TRIM33: variants seen among roughly 807,000 people sequenced by gnomAD.
TRIM33 encodes E3 ubiquitin-protein ligase TRIM33.
A neutral mutation model predicts 125.4 loss-of-function variants in TRIM33; 20 were observed. That is an observed-to-expected ratio of 0.16 (90% CI 0.11 to 0.23). The LOEUF is 0.23. TRIM33 is among the 10% of genes least tolerant of loss of function. The pLI, the probability that TRIM33 is intolerant of heterozygous loss-of-function variation, is 1.00. For synonymous variants in TRIM33, 564 were observed against 513.9 expected (o/e 1.10, Z -1.32); for missense variants, 920 against 1,411.4 (o/e 0.65, Z 5.58).
intron 4 of TRIM33, among the ~76,000 whole-genome samples, chr1:114,438,220 T>A (rs1648427076): frequency 6.6e-6 from 1 of 152,230 alleles, no homozygotes; most frequent in Non-Finnish European, 1.5e-5. Context: ...CTGTATATAT[T>A]AAGTTTTGAT....
chr1:114,460,561 A>AC (rs956162803), intron 4 of TRIM33, among the ~76,000 whole-genome samples: 9 of 91,844 alleles, frequency 9.8e-5, no homozygotes, highest in African/African-American at 3.0e-4. Flanking sequence ...TGTGTTTAAC[A>AC]CCCCCCGCCA....
intron 1 of TRIM33, among the ~76,000 whole-genome samples, chr1:114,496,954 T>C (rs1192337665): frequency 2.0e-5 from 3 of 152,224 alleles, no homozygotes; most frequent in Admixed American, 2.0e-4. Context: ...ACAGCTATAG[T>C]GTAAGTACAT....
intron 11 of TRIM33, among the ~76,000 whole-genome samples, chr1:114,416,622 T>C (rs772234335): frequency 1.3e-5 from 2 of 152,196 alleles, no homozygotes; most frequent in Non-Finnish European, 2.9e-5. Flanking sequence ...ATCTACACAC[T>C]AAAGTATAAT....
chr1:114,411,219 T>C (rs1409406700), intron 11 of TRIM33, among the ~76,000 whole-genome samples: 2 of 151,994 alleles, frequency 1.3e-5, no homozygotes, highest in East Asian at 1.9e-4. Flanking sequence ...TTTTGTGTTT[T>C]TTTTTTATAG....
At chr1:114,469,918 C>T (rs1650535865) in intron 1 of TRIM33, among the ~76,000 whole-genome samples, 1 of 152,114 alleles carries the variant, frequency 6.6e-6, no homozygotes, top group Non-Finnish European at 1.5e-5. Context: ...ATAAAAATGG[C>T]TTAAATCCTA....
chr1:114,428,726 A>T (rs1414832132), intron 6 of TRIM33, among the ~76,000 whole-genome samples: 1 of 152,238 alleles, frequency 6.6e-6, no homozygotes, highest in Non-Finnish European at 1.5e-5. Context: ...TCTTTTATAA[A>T]GCTTAGAAAA....
intron 1 of TRIM33, among the ~76,000 whole-genome samples, chr1:114,479,142 G>A (rs923303421): frequency 6.6e-6 from 1 of 152,172 alleles, no homozygotes; most frequent in African/African-American, 2.4e-5. Flanking sequence ...AAAAAAGACT[G>A]ACGAGAAAAG....
At chr1:114,510,501 G>T in intron 1 of TRIM33, 50 bp downstream of exon 1, 1 of 1,435,538 alleles carries the variant, frequency 7.0e-7, no homozygotes, top group Middle Eastern at 1.9e-4. Context: ...CTCCTCTAGG[G>T]TTGCGCAAAT....
chr1:114,401,873 A>G (rs778860674), intron 16 of TRIM33, among the ~76,000 whole-genome samples: 43 of 152,230 alleles, frequency 2.8e-4, no homozygotes, highest in Non-Finnish European at 5.6e-4. Context: ...GATTCCAGTC[A>G]GGTTCAAAAT....
intron 4 of TRIM33, among the ~76,000 whole-genome samples, chr1:114,445,928 G>A (rs1572063649): frequency 6.6e-6 from 1 of 152,264 alleles, no homozygotes; most frequent in Non-Finnish European, 1.5e-5. Flanking sequence ...GGTGATCTCA[G>A]CTCACTGCAA....
At chr1:114,476,220 G>GAA (rs58538418) in intron 1 of TRIM33, among the ~76,000 whole-genome samples, 1 of 138,236 alleles carries the variant, frequency 7.2e-6, no homozygotes, top group East Asian at 2.1e-4. Context: ...AAACAAATAA[G>GAA]AAAAAAAAAA....
chr1:114,472,656 T>G (rs913825532), intron 1 of TRIM33, among the ~76,000 whole-genome samples: 3 of 151,650 alleles, frequency 2.0e-5, no homozygotes, highest in African/African-American at 7.3e-5. Flanking sequence ...CCTGAGGGTG[T>G]GAGGTCAAGC....
At chr1:114,410,949 G>C (rs1229812909) in intron 11 of TRIM33, among the ~76,000 whole-genome samples, 3 of 152,130 alleles carry the variant, frequency 2.0e-5, no homozygotes, top group Non-Finnish European at 4.4e-5. Context: ...ATGATTAAAT[G>C]ACAAAATGTG....
Position 114,510,651 on chromosome 1 carries a change from C to T in TRIM33, c.426G>A (p.Leu142=). ...LQSRREAEPK[L]LPCLHSFCLR... is the part of the protein sequence containing the mutation. ...GGCAGAAGGAGTGAAGACAGGGCAG[C>T]AGCTTGGGCTCCGCCTCACGCCGGC... is the stretch of plus-strand genomic sequence containing the variant. The change falls in exon 1 of 20, where the codon CTG becomes CTA. Residue 142 remains leucine, a synonymous_variant. Coordinates refer to ENST00000358465, the MANE Select transcript of TRIM33 (RefSeq NM_015906.4). The T allele has an allele frequency of 6.4e-7, 1 of 1,562,508 alleles. No individual in the cohort carries two copies. Among genetic ancestry groups the T allele is most frequent in the Non-Finnish European group, 8.6e-7 (1 of 1,160,930 alleles).
rs1446367427 is a variant in TRIM33, at chr1:114,424,773, T to C, written c.1696-18A>G. 6.9e-7 allele frequency: 1 copy of C among 1,443,576 alleles called. No individual in the cohort carries two copies. Among genetic ancestry groups the C allele is most frequent in the Non-Finnish European group, 9.2e-7 (1 of 1,086,524 alleles). The allele number at this position is 1,443,576 out of a possible 1,614,324, so 89.4% of individuals were successfully genotyped here. A position where few individuals can be genotyped will look rare whatever the true frequency, so the allele number is the denominator to read the frequency against. On this transcript the variant is annotated intron_variant, in intron 9 of 19. Coordinates refer to ENST00000358465, the MANE Select transcript of TRIM33 (RefSeq NM_015906.4). ...CGAGGAGGCTACAAAAAGTAGAAAT[T>C]GCAATTTATGTAATAATTTTAAAAT...
intron 1 of TRIM33, among the ~76,000 whole-genome samples, chr1:114,503,844 A>G (rs566161059): frequency 1.3e-5 from 2 of 152,326 alleles, no homozygotes; most frequent in African/African-American, 4.8e-5. Context: ...CCTAAAAACC[A>G]TAGTTTTTAA....
intron 18 of TRIM33, among the ~76,000 whole-genome samples, chr1:114,398,329 T>C (rs1398426644): frequency 6.6e-6 from 1 of 152,194 alleles, no homozygotes; most frequent in Non-Finnish European, 1.5e-5. Flanking sequence ...CTGACAAACT[T>C]TCAACAAACC....
At chr1:114,415,413 C>G (rs553344207) in intron 11 of TRIM33, among the ~76,000 whole-genome samples, 89 of 152,332 alleles carry the variant, frequency 5.8e-4, no homozygotes, top group African/African-American at 2.0e-3. Flanking sequence ...GAATCTCACA[C>G]TCCTTTCATG....
chr1:114,458,440 C>T (rs1557876998), intron 4 of TRIM33, among the ~76,000 whole-genome samples: 2 of 152,110 alleles, frequency 1.3e-5, no homozygotes, highest in Admixed American at 1.3e-4. Flanking sequence ...GTGATCCATA[C>T]CAAGAGACTA....
Sources: allele counts gnomAD v4.1 joint callset (sites outside exome capture counted in the v4.1 genomes callset), GRCh38; gene constraint gnomAD v4.1.1; transcripts MANE v1.5; gene names NCBI Gene and HGNC (gene_info 2026-07-23, HGNC 2026-07-21).